Variants in SMG9 observed in about 807,000 individuals in gnomAD.
SMG9 encodes nonsense-mediated mRNA decay factor SMG9.
SMG9 carries 55 observed loss-of-function variants against 64.0 expected under a neutral mutation model. That is an observed-to-expected ratio of 0.86 (90% CI 0.69 to 1.08). The LOEUF (loss-of-function observed/expected upper bound fraction) is 1.08. SMG9 is among the 50% of genes least tolerant of loss of function. The pLI, the probability that SMG9 is intolerant of heterozygous loss-of-function variation, is 0.00. For synonymous variants in SMG9, 244 were observed against 254.8 expected (o/e 0.96, Z 0.41); for missense variants, 554 against 681.3 (o/e 0.81, Z 2.08).
chr19:43,730,598 G>C lies in SMG9; in HGVS notation c.*998C>G, dbSNP rs535588905. ...TTTTTTTGAGACGGAGTCTCGCTCTGTTGCCCAAGCTGGAGAGTGCAGTGG... is the reference window on the plus strand; with the variant it reads ...TTTTTTTGAGACGGAGTCTCGCTCTCTTGCCCAAGCTGGAGAGTGCAGTGG... On this transcript the variant is annotated 3_prime_UTR_variant, in exon 14 of 14. Transcript: ENST00000270066. 2 of 149,346 alleles carry C rather than the reference G, an allele frequency of 1.3e-5. No individual in the cohort carries two copies. Among genetic ancestry groups the C allele is most frequent in the African/African-American group, 4.9e-5 (2 of 40,494 alleles). The allele number at this position is 149,346 out of a possible 1,614,324, so 9.3% of individuals were successfully genotyped here.
chr19:43,739,424 G>A (rs1465000875), intron 7 of SMG9, among the ~76,000 whole-genome samples: 2 of 152,122 alleles, frequency 1.3e-5, no homozygotes, highest in Non-Finnish European at 2.9e-5. Context: ...CACACAATTC[G>A]TTGGTGGTTT....
chr19:43,750,711 G>A lies in SMG9; in HGVS notation c.31C>T (p.Leu11Phe). 2 of 1,613,596 alleles carry A rather than the reference G, an allele frequency of 1.2e-6. No homozygotes were observed. Among genetic ancestry groups the A allele is most frequent in the Non-Finnish European group, 1.7e-6 (2 of 1,179,788 alleles). ...CGTCGCCGCCGCTCTATCCCATAGAGTCCAGGCTGACTGTGTCCAGACTCA... is the reference window on the plus strand; with the variant it reads ...CGTCGCCGCCGCTCTATCCCATAGAATCCAGGCTGACTGTGTCCAGACTCA... MSESGHSQPG[L>F]YGIERRRRWK... The change falls in exon 2 of 14, where the codon CTC (leucine) becomes TTC (phenylalanine). Residue 11 changes from leucine (L) to phenylalanine (F), a missense_variant. Physicochemically the swap from Leu to Phe is conservative, Grantham distance 22. Transcript: ENST00000270066.
chr19:43,746,034 G>A (rs974639033), intron 5 of SMG9, among the ~76,000 whole-genome samples: 5 of 151,514 alleles, frequency 3.3e-5, no homozygotes, highest in East Asian at 1.9e-4. Flanking sequence ...CTATCTGCGC[G>A]TGATGTCGCA....
At chr19:43,737,060 G>A (rs1464677304) in intron 9 of SMG9, among the ~76,000 whole-genome samples, 1 of 152,162 alleles carries the variant, frequency 6.6e-6, no homozygotes, top group Non-Finnish European at 1.5e-5. Flanking sequence ...GATCACCTGA[G>A]GTCAGGAGTT....
At position 43,733,566 on chromosome 19, in the gene SMG9, C is replaced by A. The variant is rs147890786; in HGVS notation, c.1210+60G>T. 6.4e-5 allele frequency: 102 copies of A among 1,605,318 alleles called. 1 individual carries two copies. The African/African-American group carries it at 1.3e-3, about 21-fold the overall frequency. On this transcript the variant is annotated intron_variant, in intron 11 of 13. Coordinates refer to ENST00000270066, the MANE Select transcript of SMG9 (RefSeq NM_019108.4). ...TAGTCTGGGGGTAGAGACTGACCCA[C>A]GGGGTTGGATCAGGAATTAGGAGGC...
chr19:43,753,730 G>A (rs905551430), intron 1 of SMG9, among the ~76,000 whole-genome samples: 1 of 151,862 alleles, frequency 6.6e-6, no homozygotes, highest in African/African-American at 2.4e-5. Context: ...CAAAGTGATC[G>A]GATTCCCCGG....
At chr19:43,750,779 C>A in intron 1 of SMG9, 32 bp from the exon 2 acceptor site, 2 of 1,581,228 alleles carry the variant, frequency 1.3e-6, no homozygotes, top group Non-Finnish European at 1.7e-6. Flanking sequence ...TTCAGGATGA[C>A]AGAGTCTCTT....
intron 12 of SMG9, 29 bp downstream of exon 12, chr19:43,733,295 C>T (rs1968544851): frequency 1.2e-6 from 2 of 1,611,896 alleles, no homozygotes; most frequent in South Asian, 1.1e-5. Context: ...GGACTTGTCT[C>T]TCCATGAACC....
chr19:43,732,819 G>A (rs746346665), intron 13 of SMG9, 39 bp downstream of exon 13: 5 of 1,612,406 alleles, frequency 3.1e-6, no homozygotes, highest in Non-Finnish European at 4.2e-6. Context: ...CACCAGGGTG[G>A]GGTGCCTCAA....
chr19:43,745,894 G>C (rs1186736054), intron 5 of SMG9, among the ~76,000 whole-genome samples: 2 of 152,170 alleles, frequency 1.3e-5, no homozygotes, highest in Non-Finnish European at 1.5e-5. Flanking sequence ...CCAGCTACTC[G>C]GAAGGCTGAG....
chr19:43,752,851 A>T (rs1969229657), intron 1 of SMG9, among the ~76,000 whole-genome samples: 1 of 148,180 alleles, frequency 6.7e-6, no homozygotes, highest in Non-Finnish European at 1.5e-5. Flanking sequence ...GGCTGCCATG[A>T]TCATGCTGCA....
rs1968437011 is a variant in SMG9 at position 43,730,180 on chromosome 19, G to C, written c.*1416C>G. On this transcript the variant is annotated 3_prime_UTR_variant, in exon 14 of 14. Coordinates refer to ENST00000270066, the MANE Select transcript of SMG9 (RefSeq NM_019108.4). ...GTGCCACGGGCGGCAGGGGGTGGGG[G>C]AGGGCAATGGATGAACAGACTCAGC... 2 of 152,318 alleles carry C rather than the reference G, an allele frequency of 1.3e-5. No homozygotes were observed. Among genetic ancestry groups the C allele is most frequent in the South Asian group, 4.1e-4 (2 of 4,832 alleles). The allele number at this position is 152,318 out of a possible 1,614,324, so 9.4% of individuals were successfully genotyped here.
Position 43,750,737 on chromosome 19 carries a change from G to C in SMG9, c.5C>G (p.Ser2Cys), listed in dbSNP as rs1484368740. 1.2e-6 allele frequency: 2 copies of C among 1,610,888 alleles called. No individual in the cohort carries two copies. Among genetic ancestry groups the C allele is most frequent in the South Asian group, 2.2e-5 (2 of 90,652 alleles). Reference protein sequence around the residue: MSESGHSQPGLY... With the variant: MCESGHSQPGLY... ...TCCAGGCTGACTGTGTCCAGACTCAGACATGGTTACCTATGGAGGGAATGA... is the reference window on the plus strand; with the variant it reads ...TCCAGGCTGACTGTGTCCAGACTCACACATGGTTACCTATGGAGGGAATGA... The change falls in exon 2 of 14, where the codon TCT becomes TGT. Residue 2 changes from serine (S) to cysteine (C), a missense_variant. Transcript: ENST00000270066.
intron 9 of SMG9, among the ~76,000 whole-genome samples, chr19:43,737,238 A>AC (rs1197601240): frequency 6.6e-6 from 1 of 152,020 alleles, no homozygotes; most frequent in Non-Finnish European, 1.5e-5. Flanking sequence ...GTACCACTGC[A>AC]CTCCAGCCTG....
At chr19:43,738,371 C>CA (rs1268369761) in intron 7 of SMG9, among the ~76,000 whole-genome samples, 154 bp from the exon 8 acceptor site, 1 of 152,146 alleles carries the variant, frequency 6.6e-6, no homozygotes, top group Admixed American at 6.6e-5. Flanking sequence ...AAAAAAAACT[C>CA]AAAGCTGATA....
At chr19:43,735,060 T>C (rs1380108429) in intron 9 of SMG9, among the ~76,000 whole-genome samples, 2 of 152,200 alleles carry the variant, frequency 1.3e-5, no homozygotes, top group Non-Finnish European at 2.9e-5. Flanking sequence ...CTCCAACCCC[T>C]GATCTTTTTA....
intron 9 of SMG9, among the ~76,000 whole-genome samples, chr19:43,736,889 G>T (rs1181165847): frequency 6.6e-6 from 1 of 152,218 alleles, no homozygotes; most frequent in African/African-American, 2.4e-5. Context: ...AGTCTGAGGA[G>T]ATCTGCGGGA....
chr19:43,731,563 G>A lies in SMG9; in HGVS notation c.*33C>T. On this transcript the variant is annotated 3_prime_UTR_variant, in exon 14 of 14. Transcript: ENST00000270066. ...CCCTCGCAGTACACTGCGGACCCAGGAGGTCCCCTGCATGACATTCCTCTC... is the reference window on the plus strand; with the variant it reads ...CCCTCGCAGTACACTGCGGACCCAGAAGGTCCCCTGCATGACATTCCTCTC... The A allele has an allele frequency of 6.2e-7, 1 of 1,614,006 alleles. No homozygotes were observed. The highest frequency in any genetic ancestry group is 1.1e-5 in the South Asian group (1 of 91,070).
chr19:43,754,721 G>A lies in SMG9; in HGVS notation c.-74C>T, dbSNP rs1969302519. 6.6e-6 allele frequency: 1 copy of A among 152,302 alleles called. No homozygotes were observed. Among genetic ancestry groups the A allele is most frequent in the East Asian group, 1.9e-4 (1 of 5,162 alleles). The allele number at this position is 152,302 out of a possible 1,614,324, so 9.4% of individuals were successfully genotyped here. A position where few individuals can be genotyped will look rare whatever the true frequency, so the allele number is the denominator to read the frequency against. Reference sequence around the variant, plus strand: ...CTCCCGTGACGGGAGTCGGGTGGGGGCGGGGAGGCTGACCCAAGCCACCCG... The same window carrying A: ...CTCCCGTGACGGGAGTCGGGTGGGGACGGGGAGGCTGACCCAAGCCACCCG... On this transcript the variant is annotated 5_prime_UTR_variant, in exon 1 of 14. Coordinates refer to ENST00000270066, the MANE Select transcript of SMG9 (RefSeq NM_019108.4).
Sources: gnomAD v4.1 joint callset for allele counts (sites outside exome capture counted in the v4.1 genomes callset) on GRCh38, gnomAD v4.1.1 for gene constraint, MANE v1.5 for transcripts, NCBI Gene and HGNC (gene_info 2026-07-23, HGNC 2026-07-21) for gene names.